NELL1: variants seen among roughly 807,000 people sequenced by gnomAD.
NELL1 encodes protein kinase C-binding protein NELL1.
In NELL1, 76 loss-of-function variants were observed where a neutral mutation model predicts 107.4. The ratio of observed to expected loss-of-function variants is 0.71; its 90% CI spans 0.59 to 0.86. NELL1 has a LOEUF of 0.86. NELL1 is among the 40% of genes least tolerant of loss of function. NELL1 has a pLI of 0.00. For missense variants in NELL1, 1,024 were observed against 1,005.5 expected, an observed-to-expected ratio of 1.02 and a Z score of -0.25; for synonymous variants, 353 against 341.2, an observed-to-expected ratio of 1.03 and a Z score of -0.38.
At chr11:21,553,725 A>G (rs917515257) in intron 16 of NELL1, among the ~76,000 whole-genome samples, 9 of 151,878 alleles carry the variant, frequency 5.9e-5, no homozygotes, top group African/African-American at 2.2e-4. Context: ...AAAAGCTGCT[A>G]TGAGAGACAT....
At chr11:21,027,896 T>G (rs2134312350) in intron 12 of NELL1, among the ~76,000 whole-genome samples, 1 of 152,258 alleles carries the variant, frequency 6.6e-6, no homozygotes, top group South Asian at 2.1e-4. Flanking sequence ...GTGGAGAAGA[T>G]AGTGAAGCTG....
intron 2 of NELL1, among the ~76,000 whole-genome samples, chr11:20,696,143 T>C (rs1355897921): frequency 6.6e-6 from 1 of 152,138 alleles, no homozygotes; most frequent in Non-Finnish European, 1.5e-5. Flanking sequence ...TTGTTGTTTC[T>C]GATTGTGCTT....
At chr11:21,084,702 C>T (rs1035212083) in intron 12 of NELL1, among the ~76,000 whole-genome samples, 1 of 152,188 alleles carries the variant, frequency 6.6e-6, no homozygotes, top group African/African-American at 2.4e-5. Context: ...AGTCATCTTA[C>T]TGTGTTTAGT....
chr11:21,334,165 A>G (rs1407668640), intron 14 of NELL1, among the ~76,000 whole-genome samples: 1 of 152,064 alleles, frequency 6.6e-6, no homozygotes, highest in Non-Finnish European at 1.5e-5. Context: ...GTGTAGAAGA[A>G]TAGACAAACA....
Position 21,542,300 on chromosome 11 carries a change from T to A in NELL1, c.1786+7786T>A, listed in dbSNP as rs59162549. On this transcript the variant is annotated intron_variant, in intron 16 of 19. Coordinates refer to ENST00000357134, the MANE Select transcript of NELL1 (RefSeq NM_006157.5). ...ATCCAGGTGTGTTTGATCCCAAAGC[T>A]TCTGTTCTTAATATGTTCACACTGC... is the stretch of plus-strand genomic sequence containing the variant. 2.6e-3 allele frequency among the ~76,000 whole-genome samples: 399 copies of A among 152,156 alleles called. 5 individuals carry two copies. Among genetic ancestry groups the A allele is most frequent in the African/African-American group, 9.2e-3 (384 of 41,536 alleles).
At chr11:21,332,492 A>G (rs72953427) in intron 14 of NELL1, among the ~76,000 whole-genome samples, 89 of 152,062 alleles carry the variant, frequency 5.9e-4, no homozygotes, top group Admixed American at 1.9e-3. Context: ...ATGTGTCATT[A>G]TATCCTTTGC....
intron 12 of NELL1, among the ~76,000 whole-genome samples, chr11:20,972,943 G>T (rs973620467): frequency 3.3e-5 from 5 of 152,076 alleles, no homozygotes; most frequent in African/African-American, 1.2e-4. Context: ...GGTGTGAGGA[G>T]TAGATTGGAT....
intron 5 of NELL1, among the ~76,000 whole-genome samples, chr11:20,892,738 G>A (rs1416249635): frequency 2.0e-5 from 3 of 152,312 alleles, no homozygotes; most frequent in Admixed American, 6.5e-5. Flanking sequence ...AGACCAGCCT[G>A]ACCAACATGG....
Position 20,862,674 on chromosome 11 carries a change from T to C in NELL1, c.506+14921T>C, listed in dbSNP as rs548057389. On this transcript the variant is annotated intron_variant, in intron 4 of 19. Coordinates refer to ENST00000357134, the MANE Select transcript of NELL1 (RefSeq NM_006157.5). Reference sequence around the variant, plus strand: ...TCTCGCAGAGGATTTGGCAGGGTCATAGGACAATAGTGGAGGGAAGGTCAG... The same window carrying C: ...TCTCGCAGAGGATTTGGCAGGGTCACAGGACAATAGTGGAGGGAAGGTCAG... 7.4e-3 allele frequency among the ~76,000 whole-genome samples: 1,053 copies of C among 143,216 alleles called. 5 individuals are homozygous for C. Among genetic ancestry groups the C allele is most frequent in the Middle Eastern group, 0.023 (6 of 258 alleles). The allele number at this position is 143,216 out of a possible 152,430, so 94.0% of individuals were successfully genotyped here. A position where few individuals can be genotyped will look rare whatever the true frequency, so the allele number is the denominator to read the frequency against.
intron 7 of NELL1, among the ~76,000 whole-genome samples, chr11:20,925,438 CTTTTTTTTT>C (rs869078958): frequency 8.2e-6 from 1 of 122,258 alleles, no homozygotes; most frequent in Non-Finnish European, 1.7e-5. Flanking sequence ...CCACACCCGG[CTTTTTTTTT>C]TTTTTTTTTT....
rs1384572614 is a variant in NELL1 at position 20,964,398 on chromosome 11, TG to T, written c.1300+3839del. On this transcript the variant is annotated intron_variant, in intron 12 of 19. Coordinates refer to ENST00000357134, the MANE Select transcript of NELL1 (RefSeq NM_006157.5). Reference sequence around the variant, plus strand: ...CATACACATCATGCCATCTGTCAGGTGTGGAAAGCACTACAATTAACATTAA... The same window carrying T: ...CATACACATCATGCCATCTGTCAGGTTGGAAAGCACTACAATTAACATTAA... Among the ~76,000 whole-genome samples the T allele has an allele frequency of 3.9e-5, 6 of 152,320 alleles. No homozygotes were observed. In the South Asian group the frequency reaches 1.2e-3, roughly 32 times the overall value.
At chr11:20,749,707 A>G (rs1278231783) in intron 2 of NELL1, among the ~76,000 whole-genome samples, 1 of 152,182 alleles carries the variant, frequency 6.6e-6, no homozygotes, top group Non-Finnish European at 1.5e-5. Context: ...ATACACCCAT[A>G]AAACCATCAC....
At chr11:21,191,693 G>A (rs1857053225) in intron 13 of NELL1, among the ~76,000 whole-genome samples, 1 of 151,866 alleles carries the variant, frequency 6.6e-6, no homozygotes, top group Non-Finnish European at 1.5e-5. Context: ...TTTTTGTGCA[G>A]AGCATTTGGC....
At chr11:20,993,074 G>T (rs1237238709) in intron 12 of NELL1, among the ~76,000 whole-genome samples, 2 of 152,108 alleles carry the variant, frequency 1.3e-5, no homozygotes, top group African/African-American at 2.4e-5. Context: ...AATGAAGTGA[G>T]TTTCCACCTG....
chr11:20,734,318 G>A (rs1301219542), intron 2 of NELL1, among the ~76,000 whole-genome samples: 5 of 152,106 alleles, frequency 3.3e-5, no homozygotes, highest in Admixed American at 3.3e-4. Context: ...AGCAGTTGGA[G>A]GATTTTGAGC....
intron 15 of NELL1, among the ~76,000 whole-genome samples, chr11:21,451,250 G>T (rs1395261239): frequency 6.6e-6 from 1 of 151,710 alleles, no homozygotes; most frequent in Non-Finnish European, 1.5e-5. Flanking sequence ...GAGAGGCAAG[G>T]ACAGAGGAGA....
intron 4 of NELL1, among the ~76,000 whole-genome samples, chr11:20,853,847 T>A (rs1374322900): frequency 1.3e-5 from 2 of 152,144 alleles, no homozygotes; most frequent in Non-Finnish European, 2.9e-5. Flanking sequence ...CAGCACAGTA[T>A]TGCATGCTTT....
chr11:21,352,367 G>GGA (rs2133722538), intron 14 of NELL1, among the ~76,000 whole-genome samples: 1 of 152,244 alleles, frequency 6.6e-6, no homozygotes, highest in South Asian at 2.1e-4. Context: ...TAAGTGCTTA[G>GGA]GAGAGTACTT....
intron 12 of NELL1, among the ~76,000 whole-genome samples, chr11:21,060,696 T>C (rs1293131779): frequency 6.6e-6 from 1 of 152,200 alleles, no homozygotes; most frequent in Non-Finnish European, 1.5e-5. Flanking sequence ...CCTTTGTTTT[T>C]GTTTTTGATT....
Sources: allele counts gnomAD v4.1 joint callset (sites outside exome capture counted in the v4.1 genomes callset), GRCh38; gene constraint gnomAD v4.1.1; transcripts MANE v1.5; gene names NCBI Gene and HGNC (gene_info 2026-07-23, HGNC 2026-07-21).